UNC13B: variants seen among roughly 807,000 people sequenced by gnomAD.
UNC13B encodes unc-13 homolog B.
In UNC13B, 144 loss-of-function variants were observed where a neutral mutation model predicts 211.0. The ratio of observed to expected loss-of-function variants is 0.68; its 90% CI spans 0.60 to 0.78. The LOEUF is 0.78. UNC13B is among the 30% of genes least tolerant of loss of function. The pLI, the probability that UNC13B is intolerant of heterozygous loss-of-function variation, is 0.00. For missense variants in UNC13B, 1,777 were observed against 2,002.0 expected (o/e 0.89, Z 2.14); for synonymous variants, 709 against 725.8 (o/e 0.98, Z 0.37).
intron 11 of UNC13B, chr9:35,351,745 G>C: frequency 2.4e-6 from 3 of 1,232,274 alleles, no homozygotes; most frequent in Non-Finnish European, 3.0e-6. Context: ...ACCTGGCCCA[G>C]CTTTGCAGCT....
intron 1 of UNC13B, among the ~76,000 whole-genome samples, chr9:35,227,233 T>TGGATGCATCC (rs1824899301): frequency 6.6e-6 from 1 of 152,216 alleles, no homozygotes; most frequent in Non-Finnish European, 1.5e-5. Context: ...TTAGAAGTAT[T>TGGATGCATCC]AAGCAGGACT....
intron 24 of UNC13B, among the ~76,000 whole-genome samples, chr9:35,388,629 A>G (rs1489611790): frequency 6.6e-6 from 1 of 152,202 alleles, no homozygotes; most frequent in African/African-American, 2.4e-5. Flanking sequence ...TGAGGATTAG[A>G]TAGGATAATG....
chr9:35,341,140 CT>C (rs1322093465), intron 11 of UNC13B, among the ~76,000 whole-genome samples: 1 of 152,194 alleles, frequency 6.6e-6, no homozygotes, highest in African/African-American at 2.4e-5. Flanking sequence ...GGTGATATCA[CT>C]TTAGGTTACT....
intron 9 of UNC13B, 37 bp from the exon 10 acceptor site, chr9:35,310,430 A>G (rs748159409): frequency 1.3e-6 from 2 of 1,596,746 alleles, no homozygotes; most frequent in Non-Finnish European, 8.6e-7. Context: ...CCCTGATTGC[A>G]TTTATTTACT....
At chr9:35,174,979 G>A (rs1821543608) in intron 1 of UNC13B, among the ~76,000 whole-genome samples, 1 of 151,932 alleles carries the variant, frequency 6.6e-6, no homozygotes. Flanking sequence ...TGCCATTTGT[G>A]TAGAGACAAG....
At chr9:35,392,046 C>G (rs1382643898) in intron 26 of UNC13B, among the ~76,000 whole-genome samples, 10 of 152,278 alleles carry the variant, frequency 6.6e-5, no homozygotes, top group African/African-American at 2.4e-4. Context: ...ATTTCACCGC[C>G]TATGTAGCAC....
intron 11 of UNC13B, among the ~76,000 whole-genome samples, chr9:35,354,345 A>C (rs909970733): frequency 6.6e-6 from 1 of 152,096 alleles, no homozygotes. Context: ...CCCTGTGGGA[A>C]TTTCCCCTAC....
intron 19 of UNC13B, 106 bp from the exon 20 acceptor site, chr9:35,381,450 A>C: frequency 7.3e-7 from 1 of 1,373,640 alleles, no homozygotes. Context: ...GAAGGACAGA[A>C]TTTCTGTGGG....
At chr9:35,375,298 A>G in intron 14 of UNC13B, 97 bp downstream of exon 14, 1 of 1,315,098 alleles carries the variant, frequency 7.6e-7, no homozygotes, top group Non-Finnish European at 1.1e-6. Flanking sequence ...TGGGAATTCA[A>G]GAGTGCTGGA....
chr9:35,178,058 G>A (rs1821733483), intron 1 of UNC13B, among the ~76,000 whole-genome samples: 1 of 152,116 alleles, frequency 6.6e-6, no homozygotes, highest in African/African-American at 2.4e-5. Context: ...AGGAGATCAG[G>A]GTTAGAGTAG....
intron 11 of UNC13B, among the ~76,000 whole-genome samples, chr9:35,335,969 G>T (rs1286925568): frequency 6.6e-6 from 1 of 152,082 alleles, no homozygotes; most frequent in African/African-American, 2.4e-5. Flanking sequence ...TCCATAAGTG[G>T]TGGGATTACA....
At chr9:35,311,411 G>T (rs912422228) in intron 10 of UNC13B, among the ~76,000 whole-genome samples, 1 of 152,178 alleles carries the variant, frequency 6.6e-6, no homozygotes, top group Non-Finnish European at 1.5e-5. Flanking sequence ...TCATCCACTG[G>T]GGCTGTGGTA....
intron 11 of UNC13B, among the ~76,000 whole-genome samples, chr9:35,339,685 T>C (rs1320592837): frequency 6.6e-6 from 1 of 152,258 alleles, no homozygotes; most frequent in African/African-American, 2.4e-5. Context: ...ATGGCAGATT[T>C]GTTGTGCCTC....
chr9:35,353,286 C>G, intron 11 of UNC13B: 1 of 1,232,226 alleles, frequency 8.1e-7, no homozygotes, highest in Non-Finnish European at 1.0e-6. Context: ...CTGGGCCGAG[C>G]AATTCACCAC....
At chr9:35,257,109 T>C (rs887888256) in intron 6 of UNC13B, among the ~76,000 whole-genome samples, 1 of 151,764 alleles carries the variant, frequency 6.6e-6, no homozygotes, top group African/African-American at 2.4e-5. Flanking sequence ...TTGTAGTGGC[T>C]ATTATTTATA....
intron 1 of UNC13B, 154 bp from the exon 2 acceptor site, chr9:35,227,861 A>C: frequency 1.8e-6 from 1 of 555,428 alleles, no homozygotes; most frequent in Admixed American, 3.9e-5. Context: ...TTTGCCTTTC[A>C]AGTTTTGATC....
intron 11 of UNC13B, among the ~76,000 whole-genome samples, chr9:35,343,100 G>T (rs973071458): frequency 6.6e-6 from 1 of 152,218 alleles, no homozygotes; most frequent in Non-Finnish European, 1.5e-5. Context: ...CACTAACTTT[G>T]CAGATTGAAG....
At chr9:35,291,610 G>A (rs1235559877) in intron 7 of UNC13B, among the ~76,000 whole-genome samples, 1 of 152,192 alleles carries the variant, frequency 6.6e-6, no homozygotes, top group Non-Finnish European at 1.5e-5. Context: ...ACCTGCTTTT[G>A]TTAAGGAAAC....
chr9:35,348,779 G>GAGGTCAAGTGTTTAATCCA (rs1451040093), intron 11 of UNC13B, among the ~76,000 whole-genome samples: 1 of 152,144 alleles, frequency 6.6e-6, no homozygotes, highest in Non-Finnish European at 1.5e-5. Flanking sequence ...AATTCACATA[G>GAGGTCAAGTGTTTAATCCA]AGGTCAAGTG....
Sources: allele counts gnomAD v4.1 joint callset (sites outside exome capture counted in the v4.1 genomes callset), GRCh38; gene constraint gnomAD v4.1.1; transcripts MANE v1.5; gene names NCBI Gene and HGNC (gene_info 2026-07-23, HGNC 2026-07-21).